ADGRV1: variants seen among roughly 807,000 people sequenced by gnomAD.
The protein encoded by ADGRV1 is adhesion G protein-coupled receptor V1.
In ADGRV1, 359 loss-of-function variants were observed where a neutral mutation model predicts 596.2. The ratio of observed to expected loss-of-function variants is 0.60; its 90% CI spans 0.55 to 0.66. The LOEUF is 0.66. Ranked by LOEUF, ADGRV1 falls within the 30% of genes least tolerant of loss-of-function variation. The pLI, the probability that ADGRV1 is intolerant of heterozygous loss-of-function variation, is 0.00. For synonymous variants in ADGRV1, 2,681 were observed against 2,679.2 expected (o/e 1.00, Z -0.02); for missense variants, 7,274 against 7,575.6 (o/e 0.96, Z 1.48).
At chr5:91,047,914 G>A (rs1785970200) in intron 85 of ADGRV1, among the ~76,000 whole-genome samples, 1 of 152,158 alleles carries the variant, frequency 6.6e-6, no homozygotes, top group Admixed American at 6.5e-5. Flanking sequence ...CACAAAGATA[G>A]TCTTGACGCA....
intron 58 of ADGRV1, chr5:90,762,782 C>A (rs1308958021): frequency 6.6e-6 from 1 of 152,396 alleles, no homozygotes; most frequent in Non-Finnish European, 1.5e-5. Context: ...TAACAAAGAT[C>A]CCGCCAAGTC....
intron 85 of ADGRV1, among the ~76,000 whole-genome samples, chr5:91,004,997 G>T (rs1184393088): frequency 6.6e-6 from 1 of 152,058 alleles, no homozygotes; most frequent in Non-Finnish European, 1.5e-5. Flanking sequence ...TTATAATTTT[G>T]TTCTCTTTTA....
intron 70 of ADGRV1, among the ~76,000 whole-genome samples, chr5:90,800,224 A>G (rs1472164112): frequency 6.6e-6 from 1 of 152,206 alleles, no homozygotes; most frequent in African/African-American, 2.4e-5. Context: ...ACTTAAACAA[A>G]TTTACAAGAA....
At chr5:90,565,089 T>G (rs143236903) in intron 1 of ADGRV1, among the ~76,000 whole-genome samples, 228 of 151,960 alleles carry the variant, frequency 1.5e-3, no homozygotes, top group Middle Eastern at 3.4e-3. Flanking sequence ...CCAAAAAAAT[T>G]AGCTGGGCGT....
chr5:91,068,310 A>G (rs1468063512), intron 85 of ADGRV1, among the ~76,000 whole-genome samples: 1 of 151,786 alleles, frequency 6.6e-6, no homozygotes, highest in Admixed American at 6.6e-5. Flanking sequence ...AAAAACAAAA[A>G]ACAAAAAAAT....
chr5:90,778,146 G>T, intron 62 of ADGRV1, 103 bp downstream of exon 62: 1 of 1,309,196 alleles, frequency 7.6e-7, no homozygotes. Context: ...TGTGTGTGTG[G>T]TTAGAAGTGG....
intron 83 of ADGRV1, among the ~76,000 whole-genome samples, chr5:90,962,027 A>C (rs1042489598): frequency 9.2e-5 from 14 of 152,222 alleles, no homozygotes; most frequent in Non-Finnish European, 1.9e-4. Context: ...AGGCAGTAGC[A>C]TGGTGCTCAA....
At chr5:90,967,703 A>G (rs1189059542) in intron 84 of ADGRV1, among the ~76,000 whole-genome samples, 1 of 151,820 alleles carries the variant, frequency 6.6e-6, no homozygotes, top group African/African-American at 2.4e-5. Flanking sequence ...AGCTGCCTGC[A>G]TTAAGATTAC....
At chr5:90,841,883 A>G (rs1179395887) in intron 78 of ADGRV1, among the ~76,000 whole-genome samples, 1 of 152,230 alleles carries the variant, frequency 6.6e-6, no homozygotes, top group East Asian at 1.9e-4. Flanking sequence ...AGAAAATTAT[A>G]AAGTACAGAG....
rs2366928 is a variant in ADGRV1 at position 90,728,918 on chromosome 5, G to A, written c.10411G>A (p.Glu3471Lys). 0.71 allele frequency: 1,141,664 copies of A among 1,605,000 alleles called. 409,901 individuals carry two copies. Among genetic ancestry groups the A allele is most frequent in the African/African-American group, 0.91 (67,667 of 74,762 alleles). Residue 3471 changes from glutamate to lysine, a missense_variant, in exon 49 of 90, where the codon GAA becomes AAA. Coordinates refer to ENST00000405460, the MANE Select transcript of ADGRV1 (RefSeq NM_032119.4). Reference protein sequence around the residue: ...SANDIYLIFAENVFLGDQNSI... With the variant: ...SANDIYLIFAKNVFLGDQNSI... ...CAATGATATTTACCTAATATTTGCC[G>A]AAAATGTCTTTCTAGGTGAGAAGAT...
intron 1 of ADGRV1, among the ~76,000 whole-genome samples, chr5:90,597,098 T>G (rs1760785757): frequency 6.6e-6 from 1 of 152,226 alleles, no homozygotes; most frequent in Non-Finnish European, 1.5e-5. Flanking sequence ...TTTGAGGGAC[T>G]GGTAGGACAT....
chr5:91,018,443 A>G (rs981779261), intron 85 of ADGRV1, among the ~76,000 whole-genome samples: 12 of 151,942 alleles, frequency 7.9e-5, no homozygotes, highest in African/African-American at 2.7e-4. Context: ...TCTTCAAGAG[A>G]AGTGTTGAAA....
rs778092070 is a variant in ADGRV1, at chr5:90,681,353, G to A, written c.5563G>A (p.Ala1855Thr). Residue 1855 changes from alanine to threonine, a missense_variant, in exon 27 of 90, where the codon GCA becomes ACA. By Grantham distance (58) the Ala-to-Thr change is moderately conservative. Coordinates refer to ENST00000405460, the MANE Select transcript of ADGRV1 (RefSeq NM_032119.4). ...GGCTTCCCAAATTCTAGTGACAATTGCAGCCTCTGACCACGCTCATGGCGT... is the reference window on the plus strand; with the variant it reads ...GGCTTCCCAAATTCTAGTGACAATTACAGCCTCTGACCACGCTCATGGCGT... ...GVASQILVTIAASDHAHGVFE... is the reference protein window; with the variant it reads ...GVASQILVTITASDHAHGVFE... The A allele has an allele frequency of 1.2e-6, 2 of 1,613,680 alleles. No homozygotes were observed. The highest frequency in any genetic ancestry group is 1.1e-5 in the South Asian group (1 of 91,076).
intron 1 of ADGRV1, among the ~76,000 whole-genome samples, chr5:90,593,001 G>T (rs900117469): frequency 1.1e-4 from 16 of 152,180 alleles, no homozygotes; most frequent in Non-Finnish European, 1.6e-4. Context: ...AGTTTGATGG[G>T]AGTGTAAATT....
At chr5:90,561,191 A>G (rs1409738323) in intron 1 of ADGRV1, among the ~76,000 whole-genome samples, 1 of 152,100 alleles carries the variant, frequency 6.6e-6, no homozygotes, top group African/African-American at 2.4e-5. Context: ...AGGACCCACA[A>G]AAAAATACTT....
intron 82 of ADGRV1, among the ~76,000 whole-genome samples, chr5:90,859,637 A>T (rs1195397827): frequency 6.6e-6 from 1 of 152,024 alleles, no homozygotes; most frequent in Non-Finnish European, 1.5e-5. Context: ...TCTTGCCTTC[A>T]CTTAGGATAG....
chr5:90,701,590 G>A (rs763236561), intron 34 of ADGRV1, among the ~76,000 whole-genome samples: 12 of 151,772 alleles, frequency 7.9e-5, no homozygotes, highest in Non-Finnish European at 1.2e-4. Context: ...GTGTGTGTGC[G>A]CATGTGTTTG....
chr5:90,733,978 C>T (rs1752887532), intron 50 of ADGRV1, among the ~76,000 whole-genome samples: 1 of 152,092 alleles, frequency 6.6e-6, no homozygotes, highest in South Asian at 2.1e-4. Context: ...GCTATGAATT[C>T]AACTTTTAAA....
At position 90,745,237 on chromosome 5, in the gene ADGRV1, A is replaced by G. The variant is rs780727769; in HGVS notation, c.10741A>G (p.Ile3581Val). The change falls in exon 51 of 90, where the codon ATT becomes GTT. Residue 3581 changes from isoleucine (I) to valine (V), a missense_variant. By Grantham distance (29) the Ile-to-Val change is conservative. This residue lies in a region of ADGRV1 where 3,643 missense variants were observed against 3,809.2 expected (regional missense o/e 0.96). Coordinates refer to ENST00000405460, the MANE Select transcript of ADGRV1 (RefSeq NM_032119.4). ...AHSHIYELAY[I>V]SSHSDFIPSS... ...TTCACATATATATGAGCTAGCCTAC[A>G]TTTCCAGCCATTCTGACTTTATTCC... is the stretch of plus-strand genomic sequence containing the variant. The G allele has an allele frequency of 6.2e-7, 1 of 1,600,764 alleles. No individual in the cohort carries two copies. Among genetic ancestry groups the G allele is most frequent in the African/African-American group, 1.3e-5 (1 of 74,770 alleles).
Sources: allele counts gnomAD v4.1 joint callset (sites outside exome capture counted in the v4.1 genomes callset), GRCh38; gene constraint gnomAD v4.1.1; regional missense constraint gnomAD v4.1.1; transcripts MANE v1.5; gene names NCBI Gene and HGNC (gene_info 2026-07-23, HGNC 2026-07-21).